Variants in PALB2 observed in about 807,000 individuals in gnomAD.
PALB2 encodes the protein mutant partner and localizer of BRCA2.
A neutral mutation model predicts 107.4 loss-of-function variants in PALB2; 82 were observed. The observed-to-expected ratio is 0.76, with a 90% CI of 0.64 to 0.92. The LOEUF is 0.92. Ranked by LOEUF, PALB2 falls within the 40% of genes least tolerant of loss-of-function variation. The pLI is 0.00. For synonymous variants in PALB2, 489 were observed against 496.8 expected (o/e 0.98, Z 0.21); for missense variants, 1,374 against 1,379.9 (o/e 1.00, Z 0.07).
chr16:23,607,721 T>A (rs1966502477), intron 12 of PALB2, 143 bp downstream of exon 12: 5 of 1,029,596 alleles, frequency 4.9e-6, no homozygotes, highest in South Asian at 4.0e-5. Context: ...CTAATCTTCA[T>A]CCTACTTCTG....
chr16:23,612,317 A>G (rs990720910), intron 11 of PALB2, among the ~76,000 whole-genome samples: 4 of 152,080 alleles, frequency 2.6e-5, no homozygotes, highest in African/African-American at 9.7e-5. Context: ...TCCTGGGTTC[A>G]AGCAATTCTT....
chr16:23,603,802 T>C, intron 12 of PALB2, 133 bp from the exon 13 acceptor site: 1 of 778,136 alleles, frequency 1.3e-6, no homozygotes, highest in Non-Finnish European at 2.1e-6. Context: ...ATGCCTACAT[T>C]TGTAGCCTTA....
intron 6 of PALB2, among the ~76,000 whole-genome samples, chr16:23,628,378 A>G (rs1293334189): frequency 1.3e-5 from 2 of 152,174 alleles, no homozygotes; most frequent in East Asian, 1.9e-4. Flanking sequence ...ACTGGGAAAA[A>G]CTTTATGTGG....
At position 23,603,542 on chromosome 16, in the gene PALB2, A is replaced by C; in HGVS notation, c.3478T>G (p.Ser1160Ala). The change falls in exon 13 of 13, where the codon TCT becomes GCT. Residue 1160 changes from serine to alanine, a missense_variant. By Grantham distance (99) the Ser-to-Ala change is moderately conservative. Coordinates refer to ENST00000261584, the MANE Select transcript of PALB2 (RefSeq NM_024675.4). ...TCTGTACCCGACCATTTCACAAAAGACCAATGTTGGTCAGAGACAGGTGGG... is the reference window on the plus strand; with the variant it reads ...TCTGTACCCGACCATTTCACAAAAGCCCAATGTTGGTCAGAGACAGGTGGG... ...LLPPVSDQHW[S>A]FVKWSGTDSH... 1 of 1,614,166 alleles carries C rather than the reference A, an allele frequency of 6.2e-7. No homozygotes were observed. The highest frequency in any genetic ancestry group is 8.5e-7 in the Non-Finnish European group (1 of 1,180,026).
Position 23,621,426 on chromosome 16 carries a change from CA to C in PALB2, c.3048del (p.Phe1016LeufsTer17), listed in dbSNP as rs515726104. 1.2e-6 allele frequency: 2 copies of C among 1,614,106 alleles called. No individual in the cohort carries two copies. The highest frequency in any genetic ancestry group is 1.7e-6 in the Non-Finnish European group (2 of 1,179,996). The part of the protein sequence containing the change: ...LMPPEETILT[F>X]AEVQGMQEAL... ...GCTTCTTGCATCCCTTGGACCTCAGCAAAAGTTAGTATAGTCTCCTCAGGGG... is the reference window on the plus strand; with the variant it reads ...GCTTCTTGCATCCCTTGGACCTCAGCAAAGTTAGTATAGTCTCCTCAGGGG... On this transcript the variant is annotated frameshift_variant, in exon 10 of 13. Transcript: ENST00000261584. LOFTEE classifies it high-confidence loss of function.
intron 12 of PALB2, among the ~76,000 whole-genome samples, chr16:23,603,994 T>G (rs867209346): frequency 6.6e-6 from 1 of 152,210 alleles, no homozygotes; most frequent in South Asian, 2.1e-4. Flanking sequence ...TCTTTCTCCC[T>G]GACAGGCTCT....
chr16:23,632,391 C>A (rs1966887057), intron 4 of PALB2, among the ~76,000 whole-genome samples: 1 of 152,122 alleles, frequency 6.6e-6, no homozygotes, highest in African/African-American at 2.4e-5. Flanking sequence ...TTGCAGTGAA[C>A]CAAGATTGTG....
rs1286704342 is a variant in PALB2 at position 23,630,029 on chromosome 16, T to A, written c.2125A>T (p.Asn709Tyr). Residue 709 changes from asparagine to tyrosine, a missense_variant, in exon 5 of 13, where the codon AAT becomes TAT. Transcript: ENST00000261584. ...TCATTATCATCAGGCGCAACCGTAT[T>A]TAAAGGAGTATAAAGTAATATGGAT... The part of the protein sequence containing the change: ...SSSILLYTPL[N>Y]TVAPDDNDRP... 6.2e-7 allele frequency: 1 copy of A among 1,614,016 alleles called. No individual in the cohort carries two copies. Among genetic ancestry groups the A allele is most frequent in the African/African-American group, 1.3e-5 (1 of 74,898 alleles).
In PALB2 at chr16:23,607,832, C is replaced by A. The variant is rs1373057720; in HGVS notation, c.3350+32G>T. The A allele has an allele frequency of 6.2e-6, 10 of 1,612,834 alleles. No homozygotes were observed. The East Asian group carries it at 2.0e-4, about 32-fold the overall frequency. ...TTTGCACAGTGCCTTTCAGAATGTC[C>A]CACCCATAGAGTAGCAGTTATGCAC... On this transcript the variant is annotated intron_variant, in intron 12 of 12. Coordinates refer to ENST00000261584, the MANE Select transcript of PALB2 (RefSeq NM_024675.4).
chr16:23,603,587 C>A lies in PALB2; in HGVS notation c.3433G>T (p.Gly1145Cys), dbSNP rs180177137. ...GTIAIWDLLL[G>C]QCTALLPPVS... ...GGTGGGAGGAGGGCAGTACACTGACCGAGAAGTAAGTCCCAAATGGCAATT... is the reference window on the plus strand; with the variant it reads ...GGTGGGAGGAGGGCAGTACACTGACAGAGAAGTAAGTCCCAAATGGCAATT... Residue 1145 changes from glycine (G) to cysteine (C), a missense_variant, in exon 13 of 13, where the codon GGT becomes TGT. By Grantham distance (159) the Gly-to-Cys change is radical. Transcript: ENST00000261584. 1 of 1,613,988 alleles carries A rather than the reference C, an allele frequency of 6.2e-7. No individual in the cohort carries two copies. The highest frequency in any genetic ancestry group is 8.5e-7 in the Non-Finnish European group (1 of 1,179,994).
chr16:23,631,340 G>A (rs1411391818), intron 4 of PALB2, among the ~76,000 whole-genome samples: 4 of 147,978 alleles, frequency 2.7e-5, no homozygotes, highest in Admixed American at 6.9e-5. Context: ...ATGGTGGTGC[G>A]TGCCTGTGAT....
Position 23,630,267 on chromosome 16 carries a change from G to A in PALB2, c.1887C>T (p.Ser629=), listed in dbSNP as rs1966864226. 4 of 1,614,076 alleles carry A rather than the reference G, an allele frequency of 2.5e-6. No individual in the cohort carries two copies. Among genetic ancestry groups the A allele is most frequent in the African/African-American group, 2.7e-5 (2 of 75,024 alleles). ...AGGGCTCCACTGGTTTTTCTGAGCA[G>A]GACTTCACTTTTTCAAGCTTAAGAG... The part of the protein sequence containing the change: ...FGPLKLEKVK[S]CSEKPVEPFE... The change falls in exon 5 of 13, where the codon TCC becomes TCT. Residue 629 remains serine (S), a synonymous_variant. Coordinates refer to ENST00000261584, the MANE Select transcript of PALB2 (RefSeq NM_024675.4).
At chr16:23,624,469 G>A (rs78932427) in intron 7 of PALB2, among the ~76,000 whole-genome samples, 5,054 of 152,310 alleles carry the variant, frequency 0.033, 118 homozygotes, top group Middle Eastern at 0.088. Context: ...TATATTTGGA[G>A]AGCAAGAATG....
chr16:23,607,061 A>G (rs936571176), intron 12 of PALB2, among the ~76,000 whole-genome samples: 15 of 151,610 alleles, frequency 9.9e-5, no homozygotes, highest in African/African-American at 3.6e-4. Context: ...CACCTGCCTC[A>G]GCCTCCCAAT....
chr16:23,625,258 G>A (rs930840770), intron 7 of PALB2, among the ~76,000 whole-genome samples: 5 of 151,898 alleles, frequency 3.3e-5, no homozygotes, highest in East Asian at 3.9e-4. Flanking sequence ...GCTTGAACCC[G>A]GGAAGCGGAG....
chr16:23,617,616 G>T (rs575277760), intron 10 of PALB2: 4 of 151,286 alleles, frequency 2.6e-5, no homozygotes, highest in Admixed American at 6.6e-5. Context: ...CTGGTGGCAT[G>T]CATCTGTAGT....
chr16:23,640,924 TAAACGC>T (rs1967219440), intron 1 of PALB2, 180 bp downstream of exon 1: 2 of 660,378 alleles, frequency 3.0e-6, no homozygotes, highest in African/African-American at 3.7e-5. Context: ...ATTTGTTCTT[TAAACGC>T]CACCACGTGA....
chr16:23,615,846 G>A (rs536163041), intron 10 of PALB2, among the ~76,000 whole-genome samples: 1 of 151,590 alleles, frequency 6.6e-6, no homozygotes, highest in African/African-American at 2.4e-5. Context: ...TGTATTTTTA[G>A]TAGACACGGG....
intron 3 of PALB2, 68 bp downstream of exon 3, chr16:23,637,782 G>C: frequency 8.0e-7 from 1 of 1,255,466 alleles, no homozygotes; most frequent in Admixed American, 1.7e-5. Context: ...GTGGGAAAAA[G>C]AACAATAGCC....
Sources: gnomAD v4.1 joint callset for allele counts (sites outside exome capture counted in the v4.1 genomes callset) on GRCh38, gnomAD v4.1.1 for gene constraint, MANE v1.5 for transcripts, NCBI Gene and HGNC (gene_info 2026-07-23, HGNC 2026-07-21) for gene names.